Variants in WDFY1 observed in about 807,000 individuals in gnomAD.
WDFY1 encodes the protein WD repeat and FYVE domain-containing protein 1.
Under a neutral mutation model 56.4 loss-of-function variants are expected in WDFY1, and 32 were observed. The ratio of observed to expected loss-of-function variants is 0.57; its 90% confidence interval spans 0.43 to 0.76. The LOEUF (loss-of-function observed/expected upper bound fraction) is 0.76, where lower values mean the gene tolerates loss of function less well. Ranked by LOEUF, WDFY1 falls within the 30% of genes least tolerant of loss-of-function variation. The pLI is 0.00. For synonymous variants in WDFY1, 192 were observed against 197.3 expected, an observed-to-expected ratio of 0.97 and a Z score of 0.23; for missense variants, 480 against 545.7, an observed-to-expected ratio of 0.88 and a Z score of 1.20.
intron 1 of WDFY1, among the ~76,000 whole-genome samples, chr2:223,939,941 C>T (rs1689270881): frequency 6.6e-6 from 1 of 152,230 alleles, no homozygotes; most frequent in Non-Finnish European, 1.5e-5. Context: ...GGAAAACCTT[C>T]ATACCTTTCA....
chr2:223,926,433 A>C (rs1010820058), intron 1 of WDFY1, among the ~76,000 whole-genome samples: 5 of 151,908 alleles, frequency 3.3e-5, no homozygotes, highest in African/African-American at 4.8e-5. Flanking sequence ...GCCCAGCAAA[A>C]GTGTATTTTT....
Position 223,880,078 on chromosome 2 carries a change from A to G in WDFY1, c.1173+46T>C, listed in dbSNP as rs757090427. On this transcript the variant is annotated intron_variant, in intron 11 of 11. Coordinates refer to ENST00000233055, the MANE Select transcript of WDFY1 (RefSeq NM_020830.5). ...TCTCCTGCACATTCACAGCATGGTA[A>G]TAGGCAATCTCAACTGAGATGCTGA... 7.3e-6 allele frequency: 11 copies of G among 1,504,708 alleles called. No individual in the cohort carries two copies. The South Asian group carries it at 9.0e-5, about 12-fold the overall frequency. 93.2% of individuals were successfully genotyped at this position (1,504,708 alleles called of 1,614,324 possible).
chr2:223,943,527 A>G (rs149851885), intron 1 of WDFY1, among the ~76,000 whole-genome samples: 296 of 152,338 alleles, frequency 1.9e-3, no homozygotes, highest in African/African-American at 6.7e-3. Flanking sequence ...ACAAAAGGCT[A>G]GAGACCACGC....
At position 223,884,665 on chromosome 2, in the gene WDFY1, T is replaced by C. The variant is rs61738569; in HGVS notation, c.916A>G (p.Thr306Ala). The C allele has an allele frequency of 3.7e-6, 6 of 1,613,972 alleles. No homozygotes were observed. Among genetic ancestry groups the C allele is most frequent in the Non-Finnish European group, 5.1e-6 (6 of 1,179,986 alleles). The change falls in exon 9 of 12, where the codon ACG becomes GCG. Residue 306 changes from threonine to alanine, a missense_variant. By Grantham distance (58) the Thr-to-Ala change is moderately conservative. Transcript: ENST00000233055. The stretch of plus-strand genomic sequence containing the variant: ...CTACTCACTTGTCTTAGCCCCAGCG[T>C]CTTGGTGTCCCACATCTGCTTTATG... ...WNIKQMWDTK[T>A]LGLRQHHCRK...
In WDFY1 at chr2:223,895,590, T is replaced by C. The variant is rs1693352540; in HGVS notation, c.639A>G (p.Leu213=). The change falls in exon 7 of 12, where the codon TTA becomes TTG. Residue 213 remains leucine, a synonymous_variant. Coordinates refer to ENST00000233055, the MANE Select transcript of WDFY1 (RefSeq NM_020830.5). ...TGTTGTCAGATGCTCCTGAGAAGAGTAACCGCTGAATAGGGTCCCACCAGA... is the reference window on the plus strand; with the variant it reads ...TGTTGTCAGATGCTCCTGAGAAGAGCAACCGCTGAATAGGGTCCCACCAGA... ...ACLWWDPIQR[L]LFSGASDNSI... is the part of the protein sequence containing the mutation. The C allele has an allele frequency of 6.2e-7, 1 of 1,613,556 alleles. No homozygotes were observed. The highest frequency in any genetic ancestry group is 2.2e-5 in the East Asian group (1 of 44,850).
Position 223,895,759 on chromosome 2 carries a change from A to G in WDFY1, c.599-129T>C, listed in dbSNP as rs1693356245. On this transcript the variant is annotated intron_variant, in intron 6 of 11. Coordinates refer to ENST00000233055, the MANE Select transcript of WDFY1 (RefSeq NM_020830.5). ...CAGCTGAGTCTTTAAGCAAAAAGGTATCTTCATGGTGTACAACGGGTCATT... is the reference window on the plus strand; with the variant it reads ...CAGCTGAGTCTTTAAGCAAAAAGGTGTCTTCATGGTGTACAACGGGTCATT... The G allele has an allele frequency of 1.8e-5, 23 of 1,308,122 alleles. 1 individual carries two copies. In the South Asian group the frequency reaches 2.9e-4, roughly 17 times the overall value. The allele number at this position is 1,308,122 out of a possible 1,614,324, so 81.0% of individuals were successfully genotyped here.
chr2:223,884,154 A>G (rs1693130264), intron 9 of WDFY1, among the ~76,000 whole-genome samples: 1 of 152,176 alleles, frequency 6.6e-6, no homozygotes, highest in Admixed American at 6.5e-5. Context: ...TTTAAAAAAC[A>G]GTACTCAAAA....
chr2:223,926,301 G>A (rs917820540), intron 1 of WDFY1, among the ~76,000 whole-genome samples: 2 of 152,070 alleles, frequency 1.3e-5, no homozygotes, highest in African/African-American at 4.8e-5. Flanking sequence ...CACACACCAC[G>A]ACACCTGGCT....
At chr2:223,895,694 C>T in intron 6 of WDFY1, 64 bp from the exon 7 acceptor site, 1 of 1,585,766 alleles carries the variant, frequency 6.3e-7, no homozygotes. Context: ...AACTCTACAT[C>T]AGGACGTATA....
At chr2:223,933,678 T>G (rs1694119144) in intron 1 of WDFY1, among the ~76,000 whole-genome samples, 1 of 151,680 alleles carries the variant, frequency 6.6e-6, no homozygotes, top group Admixed American at 6.6e-5. Context: ...ATAAATTAGC[T>G]GGGCATGGTG....
At chr2:223,920,401 A>G (rs1485396459) in intron 1 of WDFY1, among the ~76,000 whole-genome samples, 1 of 152,246 alleles carries the variant, frequency 6.6e-6, no homozygotes, top group African/African-American at 2.4e-5. Context: ...CTTCTGAAAC[A>G]TGAGAGAAAC....
chr2:223,933,159 G>A (rs531077741), intron 1 of WDFY1, among the ~76,000 whole-genome samples: 7 of 152,206 alleles, frequency 4.6e-5, no homozygotes, highest in Non-Finnish European at 8.8e-5. Flanking sequence ...TAGATTGGCT[G>A]AGAAAAACAG....
chr2:223,888,584 C>A (rs1251185025), intron 8 of WDFY1, among the ~76,000 whole-genome samples: 2 of 74,346 alleles, frequency 2.7e-5, no homozygotes, highest in South Asian at 6.2e-4. Flanking sequence ...TTTAAATTCT[C>A]AATTTTTTTT....
chr2:223,906,620 A>T (rs1056744614), intron 3 of WDFY1, among the ~76,000 whole-genome samples: 1 of 151,992 alleles, frequency 6.6e-6, no homozygotes, highest in Non-Finnish European at 1.5e-5. Context: ...CCTGGGTTCA[A>T]GTGATTCTCC....
At chr2:223,901,995 C>A (rs1693515411) in intron 4 of WDFY1, among the ~76,000 whole-genome samples, 1 of 152,208 alleles carries the variant, frequency 6.6e-6, no homozygotes, top group Non-Finnish European at 1.5e-5. Context: ...ATAAGCCACA[C>A]CGGGGCAGTG....
At chr2:223,930,245 A>T (rs928414917) in intron 1 of WDFY1, among the ~76,000 whole-genome samples, 3 of 152,200 alleles carry the variant, frequency 2.0e-5, no homozygotes, top group Non-Finnish European at 4.4e-5. Context: ...CAATGTGCTC[A>T]ATTCTTTACT....
chr2:223,916,016 A>G (rs957467500), intron 2 of WDFY1, among the ~76,000 whole-genome samples: 13 of 152,214 alleles, frequency 8.5e-5, no homozygotes, highest in Non-Finnish European at 5.9e-5. Context: ...GCTTGGCACA[A>G]TAAATTATGA....
rs1026396815 is a variant in WDFY1 at position 223,945,136 on chromosome 2, C to T, written c.137+12G>A. 1.3e-6 allele frequency: 2 copies of T among 1,580,922 alleles called. No individual in the cohort carries two copies. The highest frequency in any genetic ancestry group is 1.1e-5 in the South Asian group (1 of 88,622). Reference sequence around the variant, plus strand: ...CGGAGTTCGGGCCGCCCCGGCTGCGCCCGGGCCCTACCTGTCCTCGCTGGC... The same window carrying T: ...CGGAGTTCGGGCCGCCCCGGCTGCGTCCGGGCCCTACCTGTCCTCGCTGGC... On this transcript the variant is annotated intron_variant, in intron 1 of 11. Transcript: ENST00000233055.
chr2:223,880,909 T>C (rs551701076), intron 10 of WDFY1, among the ~76,000 whole-genome samples: 6 of 152,314 alleles, frequency 3.9e-5, no homozygotes, highest in East Asian at 3.9e-4. Flanking sequence ...ACCTCTGCCA[T>C]GCACAGGAGC....
Sources: gnomAD v4.1 joint callset for allele counts (sites outside exome capture counted in the v4.1 genomes callset) on GRCh38, gnomAD v4.1.1 for gene constraint, MANE v1.5 for transcripts, NCBI Gene and HGNC (gene_info 2026-07-23, HGNC 2026-07-21) for gene names.